The following CDS2 variants were observed in gnomAD, a reference collection of about 807,000 sequenced individuals.
The protein encoded by CDS2 is phosphatidate cytidylyltransferase 2.
A neutral mutation model predicts 59.0 loss-of-function variants in CDS2; 47 were observed. The ratio of observed to expected loss-of-function variants is 0.80; its 90% CI spans 0.63 to 1.02. CDS2 has a LOEUF of 1.02. CDS2 is among the 50% of genes least tolerant of loss of function. CDS2 has a pLI of 0.00. For synonymous variants in CDS2, 207 were observed against 206.4 expected (o/e 1.00, Z -0.02); for missense variants, 356 against 558.9 (o/e 0.64, Z 3.66).
Position 5,179,965 on chromosome 20 carries a change from G to C in CDS2, c.529+1009G>C, listed in dbSNP as rs73614272. 8.1e-4 allele frequency among the ~76,000 whole-genome samples: 123 copies of C among 152,274 alleles called. 3 individuals are homozygous for C. The East Asian group carries it at 0.02, about 25-fold the overall frequency. On this transcript the variant is annotated intron_variant, in intron 5 of 12. Transcript: ENST00000460006. ...TGATCAGCTTGATAGCAATACTTCT[G>C]TGAATGACACCTGACTATTAAAATA...
chr20:5,156,159 A>G (rs1459675839), intron 1 of CDS2, among the ~76,000 whole-genome samples: 1 of 152,120 alleles, frequency 6.6e-6, no homozygotes, highest in African/African-American at 2.4e-5. Flanking sequence ...TGAAGGGTTG[A>G]TCTGCAGGCT....
intron 1 of CDS2, among the ~76,000 whole-genome samples, chr20:5,132,316 T>G (rs936351455): frequency 6.6e-6 from 1 of 152,160 alleles, no homozygotes; most frequent in Non-Finnish European, 1.5e-5. Context: ...CAGGCTGGTC[T>G]CAAACTCCTG....
At position 5,196,250 on chromosome 20, in the gene CDS2, C is replaced by G. The variant is rs537723732; in HGVS notation, c.*6016C>G. The G allele has an allele frequency of 6.6e-6, 1 of 152,200 alleles. No homozygotes were observed. Among genetic ancestry groups the G allele is most frequent in the Admixed American group, 6.5e-5 (1 of 15,268 alleles). 9.4% of individuals were successfully genotyped at this position (152,200 alleles called of 1,614,324 possible). ...TGTGACAGGCCAATCCCAGGCTTGC[C>G]CCCGAGCCCTCCTGTCCTTCTGGGT... On this transcript the variant is annotated 3_prime_UTR_variant, in exon 13 of 13. Coordinates refer to ENST00000460006, the MANE Select transcript of CDS2 (RefSeq NM_003818.4).
chr20:5,159,105 A>G (rs988856752), intron 1 of CDS2, among the ~76,000 whole-genome samples: 7 of 152,226 alleles, frequency 4.6e-5, no homozygotes, highest in Non-Finnish European at 7.3e-5. Flanking sequence ...GACCTTTACA[A>G]ACTTGACTAA....
Position 5,175,047 on chromosome 20 carries a change from C to T in CDS2, c.195-136C>T, listed in dbSNP as rs146674774. The T allele has an allele frequency of 1.0e-4, 68 of 667,918 alleles. No homozygotes were observed. In the African/African-American group the frequency reaches 1.2e-3, roughly 11 times the overall value. 41.4% of individuals were successfully genotyped at this position (667,918 alleles called of 1,614,324 possible). A position where few individuals can be genotyped will look rare whatever the true frequency, so the allele number is the denominator to read the frequency against. Reference sequence around the variant, plus strand: ...GCTCCTGCCAGCATGTGGCTGGTGCCTCCGTCACGGTGAATCTGGAAAGGA... The same window carrying T: ...GCTCCTGCCAGCATGTGGCTGGTGCTTCCGTCACGGTGAATCTGGAAAGGA... On this transcript the variant is annotated intron_variant, in intron 2 of 12. Coordinates refer to ENST00000460006, the MANE Select transcript of CDS2 (RefSeq NM_003818.4).
chr20:5,135,678 A>T (rs150265178), intron 1 of CDS2, among the ~76,000 whole-genome samples: 1 of 151,930 alleles, frequency 6.6e-6, no homozygotes, highest in African/African-American at 2.4e-5. Flanking sequence ...CCAGTCACTG[A>T]TATTTGTTCT....
intron 1 of CDS2, among the ~76,000 whole-genome samples, chr20:5,171,363 C>T (rs565179146): frequency 2.6e-5 from 4 of 152,182 alleles, no homozygotes; most frequent in Admixed American, 6.5e-5. Flanking sequence ...GTGCCCTCTC[C>T]CCTGCTGCTC....
chr20:5,159,230 G>T (rs1374664279), intron 1 of CDS2, among the ~76,000 whole-genome samples: 1 of 151,702 alleles, frequency 6.6e-6, no homozygotes, highest in Admixed American at 6.6e-5. Flanking sequence ...ACAACGTGCA[G>T]GTTTGTTACA....
intron 1 of CDS2, among the ~76,000 whole-genome samples, chr20:5,151,317 A>G (rs1166036263): frequency 6.6e-6 from 1 of 152,282 alleles, no homozygotes; most frequent in Non-Finnish European, 1.5e-5. Flanking sequence ...GAGAATATCA[A>G]GTAAAAATCA....
chr20:5,193,859 A>G lies in CDS2; in HGVS notation c.*3625A>G, dbSNP rs964762740. On this transcript the variant is annotated 3_prime_UTR_variant, in exon 13 of 13. Coordinates refer to ENST00000460006, the MANE Select transcript of CDS2 (RefSeq NM_003818.4). The stretch of plus-strand genomic sequence containing the variant: ...TGAAGCCTTTTCCTGTTTTAGTAAT[A>G]TCTTAGGCACTATTGTCTTTTGTCT... 11 of 152,184 alleles carry G rather than the reference A, an allele frequency of 7.2e-5. No individual in the cohort carries two copies. The highest frequency in any genetic ancestry group is 2.2e-4 in the African/African-American group (9 of 41,430). 9.4% of individuals were successfully genotyped at this position (152,184 alleles called of 1,614,324 possible). A position where few individuals can be genotyped will look rare whatever the true frequency, so the allele number is the denominator to read the frequency against.
intron 1 of CDS2, among the ~76,000 whole-genome samples, chr20:5,146,023 A>G (rs752202867): frequency 5.9e-5 from 9 of 151,798 alleles, no homozygotes; most frequent in Non-Finnish European, 8.8e-5. Context: ...GGGTCTCACT[A>G]TGTTGCCTAG....
At chr20:5,168,171 T>C (rs1027178878) in intron 1 of CDS2, among the ~76,000 whole-genome samples, 1 of 151,982 alleles carries the variant, frequency 6.6e-6, no homozygotes, top group Non-Finnish European at 1.5e-5. Flanking sequence ...TCCCAGCACT[T>C]TGGGAGGCCG....
At chr20:5,149,832 TAGCCTCCTG>T (rs1215584471) in intron 1 of CDS2, among the ~76,000 whole-genome samples, 3 of 152,006 alleles carry the variant, frequency 2.0e-5, no homozygotes, top group Admixed American at 1.3e-4. Flanking sequence ...TCTCCTGCCT[TAGCCTCCTG>T]AGTAGCTGGG....
chr20:5,187,097 G>A (rs568716014), intron 10 of CDS2: 5 of 380,992 alleles, frequency 1.3e-5, no homozygotes, highest in African/African-American at 1.0e-4. Context: ...TTTAGTTGCG[G>A]GGGTAGGGTG....
chr20:5,129,969 T>C (rs2090590972), intron 1 of CDS2, among the ~76,000 whole-genome samples: 1 of 151,894 alleles, frequency 6.6e-6, no homozygotes, highest in Non-Finnish European at 1.5e-5. Context: ...TGTTTGTTGG[T>C]TTGTTTTTTT....
chr20:5,168,430 AAAAG>A (rs1280001620), intron 1 of CDS2, among the ~76,000 whole-genome samples: 35 of 124,828 alleles, frequency 2.8e-4, no homozygotes, highest in African/African-American at 8.8e-4. Context: ...AAAAAAAAAA[AAAAG>A]AAAAGAAAAA....
At chr20:5,151,742 C>T (rs931356055) in intron 1 of CDS2, among the ~76,000 whole-genome samples, 2 of 138,242 alleles carry the variant, frequency 1.4e-5, no homozygotes, top group Non-Finnish European at 3.1e-5. Context: ...CTGGCCTAGA[C>T]TCCATGTCTT....
At chr20:5,182,479 T>A in intron 6 of CDS2, 34 bp downstream of exon 6, 1 of 1,580,328 alleles carries the variant, frequency 6.3e-7, no homozygotes, top group South Asian at 1.2e-5. Context: ...GTCAGAATTC[T>A]TGATTTAAAT....
At position 5,127,913 on chromosome 20, in the gene CDS2, T is replaced by C. The variant is rs112171588; in HGVS notation, c.57+764T>C. On this transcript the variant is annotated intron_variant, in intron 1 of 12. Transcript: ENST00000460006. ...TTACTGTGGAGGTTGAATGGCAGTA[T>C]AGGACTTTGTAGCAGTAGTTGTGCT... is the stretch of plus-strand genomic sequence containing the variant. Among the ~76,000 whole-genome samples the C allele has an allele frequency of 1.1e-4, 16 of 152,108 alleles. 1 individual carries two copies. The highest frequency in any genetic ancestry group is 3.6e-4 in the African/African-American group (15 of 41,476).
Sources: gnomAD v4.1 joint callset for allele counts (sites outside exome capture counted in the v4.1 genomes callset) on GRCh38, gnomAD v4.1.1 for gene constraint, MANE v1.5 for transcripts, NCBI Gene and HGNC (gene_info 2026-07-23, HGNC 2026-07-21) for gene names.